The following BCAS4 variants were observed in gnomAD, a reference collection of about 807,000 sequenced individuals.
The protein encoded by BCAS4 is breast carcinoma-amplified sequence 4.
A neutral mutation model predicts 15.7 loss-of-function variants in BCAS4; 9 were observed. The ratio of observed to expected loss-of-function variants is 0.57; its 90% confidence interval spans 0.34 to 1.00. BCAS4 has a LOEUF of 1.00. Among genes scored for constraint, BCAS4 ranks in the 50% least tolerant of loss-of-function variants. The pLI, the probability that BCAS4 is intolerant of heterozygous loss-of-function variation, is 0.02. For missense variants in BCAS4, 225 were observed against 239.1 expected (o/e 0.94, Z 0.39); for synonymous variants, 101 against 99.5 (o/e 1.02, Z -0.09).
rs1979971227 is a variant in BCAS4, at chr20:50,876,679, C to A, written c.*71C>A. 6 of 1,510,554 alleles carry A rather than the reference C, an allele frequency of 4.0e-6. No homozygotes were observed. Among genetic ancestry groups the A allele is most frequent in the Non-Finnish European group, 5.3e-6 (6 of 1,126,728 alleles). 93.6% of individuals were successfully genotyped at this position (1,510,554 alleles called of 1,614,324 possible). A position where few individuals can be genotyped will look rare whatever the true frequency, so the allele number is the denominator to read the frequency against. On this transcript the variant is annotated 3_prime_UTR_variant, in exon 5 of 5. Transcript: ENST00000371608. Reference sequence around the variant, plus strand: ...ACACACTGCAGCTTGGGGGTTTTTTCTTTGTATTGCTGTTTATTTTATATT... The same window carrying A: ...ACACACTGCAGCTTGGGGGTTTTTTATTTGTATTGCTGTTTATTTTATATT...
chr20:50,838,435 C>T (rs951133352), intron 3 of BCAS4, among the ~76,000 whole-genome samples: 9 of 152,164 alleles, frequency 5.9e-5, no homozygotes, highest in African/African-American at 9.7e-5. Context: ...ACAGACTCGG[C>T]GCAGTGGCTC....
chr20:50,850,005 C>T (rs1978331429), intron 4 of BCAS4, among the ~76,000 whole-genome samples: 1 of 152,134 alleles, frequency 6.6e-6, no homozygotes, highest in Admixed American at 6.5e-5. Flanking sequence ...GTACCATGGG[C>T]TGCAGCCAGC....
At chr20:50,812,262 A>G (rs991206327) in intron 1 of BCAS4, among the ~76,000 whole-genome samples, 1 of 151,578 alleles carries the variant, frequency 6.6e-6, no homozygotes, top group Non-Finnish European at 1.5e-5. Context: ...CCTCCCGAGT[A>G]GCTGGGACTA....
At chr20:50,874,532 T>C (rs1166513700) in intron 4 of BCAS4, among the ~76,000 whole-genome samples, 1 of 152,234 alleles carries the variant, frequency 6.6e-6, no homozygotes, top group East Asian at 1.9e-4. Flanking sequence ...GGTTCATTTG[T>C]GTCCCCACTA....
intron 1 of BCAS4, among the ~76,000 whole-genome samples, chr20:50,806,078 G>A (rs1362832359): frequency 1.3e-5 from 2 of 152,134 alleles, no homozygotes; most frequent in African/African-American, 2.4e-5. Flanking sequence ...TGGCTTCGGT[G>A]TCATTTGAGT....
chr20:50,846,090 CCCCAGGCCCTTGGCA>C (rs1274785063), intron 4 of BCAS4, among the ~76,000 whole-genome samples: 3 of 152,242 alleles, frequency 2.0e-5, no homozygotes, highest in East Asian at 3.8e-4. Flanking sequence ...CCAGCCTGTG[CCCCAGGCCCTTGGCA>C]CCCAGCCACA....
intron 4 of BCAS4, 83 bp from the exon 5 acceptor site, chr20:50,876,403 A>G: frequency 6.4e-7 from 1 of 1,556,062 alleles, no homozygotes. Context: ...GTCCTGCAGG[A>G]TGAACTTGTA....
At chr20:50,857,074 C>G (rs1296665022) in intron 4 of BCAS4, among the ~76,000 whole-genome samples, 2 of 152,240 alleles carry the variant, frequency 1.3e-5, no homozygotes, top group Non-Finnish European at 2.9e-5. Context: ...ATTTTAGAAG[C>G]ATATGAATTC....
At chr20:50,798,684 C>G (rs75438744) in intron 1 of BCAS4, among the ~76,000 whole-genome samples, 8,156 of 152,166 alleles carry the variant, frequency 0.054, 332 homozygotes, top group African/African-American at 0.11. Context: ...TTGAAGTGTT[C>G]AGTAGTCCCA....
chr20:50,860,485 A>C (rs1192040066), intron 4 of BCAS4, among the ~76,000 whole-genome samples: 2 of 152,194 alleles, frequency 1.3e-5, no homozygotes, highest in African/African-American at 4.8e-5. Context: ...CCATTTCAAA[A>C]ATGTTCTATA....
At chr20:50,801,198 G>A (rs565605889) in intron 1 of BCAS4, among the ~76,000 whole-genome samples, 4 of 152,154 alleles carry the variant, frequency 2.6e-5, no homozygotes, top group South Asian at 4.2e-4. Context: ...AGGCCGAGGC[G>A]GGTGGATCAT....
intron 4 of BCAS4, among the ~76,000 whole-genome samples, chr20:50,854,148 A>T (rs1308408784): frequency 1.3e-5 from 2 of 152,102 alleles, no homozygotes; most frequent in East Asian, 1.9e-4. Flanking sequence ...ATACAAAGTT[A>T]AAAAATATAT....
intron 1 of BCAS4, among the ~76,000 whole-genome samples, chr20:50,817,784 G>A (rs973951292): frequency 6.6e-6 from 1 of 151,896 alleles, no homozygotes; most frequent in Non-Finnish European, 1.5e-5. Context: ...GGGTATCACC[G>A]GGGCCACTGT....
At chr20:50,862,191 T>G (rs1183939228) in intron 4 of BCAS4, among the ~76,000 whole-genome samples, 2 of 151,928 alleles carry the variant, frequency 1.3e-5, no homozygotes, top group Admixed American at 6.6e-5. Flanking sequence ...CCACTTCCCC[T>G]CATTTTCCCC....
intron 4 of BCAS4, among the ~76,000 whole-genome samples, chr20:50,860,653 G>C (rs1979020481): frequency 6.6e-6 from 1 of 152,090 alleles, no homozygotes; most frequent in Admixed American, 6.6e-5. Flanking sequence ...AGGAGGGTGG[G>C]TCACCTGAGG....
At chr20:50,796,134 C>T (rs910432266) in intron 1 of BCAS4, among the ~76,000 whole-genome samples, 1 of 151,590 alleles carries the variant, frequency 6.6e-6, no homozygotes, top group African/African-American at 2.4e-5. Context: ...GTAATCCCAG[C>T]ACTACTGGGA....
chr20:50,801,449 C>A (rs1451859537), intron 1 of BCAS4, among the ~76,000 whole-genome samples: 1 of 151,944 alleles, frequency 6.6e-6, no homozygotes, highest in Non-Finnish European at 1.5e-5. Context: ...ACAAAAAAGT[C>A]TCTTAGGGGG....
intron 4 of BCAS4, among the ~76,000 whole-genome samples, chr20:50,865,397 C>A (rs945610492): frequency 1.3e-5 from 2 of 152,132 alleles, no homozygotes; most frequent in African/African-American, 2.4e-5. Context: ...TGCCGTGACA[C>A]CGACTCCCCC....
At chr20:50,805,702 C>CGGT (rs1454899957) in intron 1 of BCAS4, among the ~76,000 whole-genome samples, 6 of 152,140 alleles carry the variant, frequency 3.9e-5, no homozygotes, top group Admixed American at 3.9e-4. Context: ...CTGGCCAAAG[C>CGGT]GGTGGTTCAT....
Sources: gnomAD v4.1 joint callset for allele counts (sites outside exome capture counted in the v4.1 genomes callset) on GRCh38, gnomAD v4.1.1 for gene constraint, MANE v1.5 for transcripts, NCBI Gene and HGNC (gene_info 2026-07-23, HGNC 2026-07-21) for gene names.